ZNF333: variants seen among roughly 807,000 people sequenced by gnomAD.
The protein encoded by ZNF333 is zinc finger protein 333.
Under a neutral mutation model 76.1 loss-of-function variants are expected in ZNF333, and 61 were observed. That is an observed-to-expected ratio of 0.80 (90% CI 0.65 to 0.99). The LOEUF is 0.99. ZNF333 is among the 50% of genes least tolerant of loss of function. The pLI, the probability that ZNF333 is intolerant of heterozygous loss-of-function variation, is 0.00. For missense variants in ZNF333, 717 were observed against 822.4 expected, an observed-to-expected ratio of 0.87 and a Z score of 1.57; for synonymous variants, 284 against 305.0, an observed-to-expected ratio of 0.93 and a Z score of 0.72.
intron 5 of ZNF333, among the ~76,000 whole-genome samples, chr19:14,702,691 C>T (rs541908592): frequency 9.8e-5 from 15 of 152,308 alleles, no homozygotes; most frequent in African/African-American, 3.6e-4. Flanking sequence ...AGGGCCTGCA[C>T]TAGCAGTGCC....
Position 14,718,953 on chromosome 19 carries a change from C to G in ZNF333, c.1626C>G (p.Val542=). 1 of 1,614,060 alleles carries G rather than the reference C, an allele frequency of 6.2e-7. No individual in the cohort carries two copies. The highest frequency in any genetic ancestry group is 1.1e-5 in the South Asian group (1 of 91,078). Residue 542 remains valine (V), a synonymous_variant, in exon 12 of 12, where the codon GTC becomes GTG. Coordinates refer to ENST00000292530, the MANE Select transcript of ZNF333 (RefSeq NM_032433.4). ...ATGAGTGCGCGACTTGCGGTCAGGT[C>G]TTGAGTCGTCTTTCAACCCTGAAGA... The part of the protein sequence containing the change: ...KLYECATCGQ[V]LSRLSTLKSH...
intron 11 of ZNF333, among the ~76,000 whole-genome samples, chr19:14,728,144 C>T (rs911116411): frequency 2.0e-5 from 3 of 152,128 alleles, no homozygotes; most frequent in African/African-American, 7.2e-5. Context: ...GCCTGGGAAG[C>T]GGAGCTTGCA....
At chr19:14,694,496 A>G (rs1360373110) in intron 2 of ZNF333, among the ~76,000 whole-genome samples, 1 of 152,058 alleles carries the variant, frequency 6.6e-6, no homozygotes, top group Non-Finnish European at 1.5e-5. Flanking sequence ...AAAAAGAAAA[A>G]GACTCTCAGA....
upstream of ZNF333, chr19:14,689,884 G>C (rs1972611063): frequency 6.6e-6 from 1 of 151,516 alleles, no homozygotes; most frequent in Admixed American, 6.6e-5. Flanking sequence ...TCCATGCTCT[G>C]TGGGACCCCA....
rs2042504377 is a variant in ZNF333 at position 14,718,526 on chromosome 19, G to A, written c.1199G>A (p.Gly400Glu). The change falls in exon 12 of 12, where the codon GGG becomes GAG. Residue 400 changes from glycine (G) to glutamate (E), a missense_variant. Transcript: ENST00000292530. The part of the protein sequence containing the change: ...AEKCFDCQEC[G>E]QAFKYSSNLR... Reference sequence around the variant, plus strand: ...AAGTGCTTTGACTGTCAAGAATGTGGGCAAGCCTTCAAATATTCCTCGAAT... The same window carrying A: ...AAGTGCTTTGACTGTCAAGAATGTGAGCAAGCCTTCAAATATTCCTCGAAT... 1.2e-6 allele frequency: 2 copies of A among 1,614,052 alleles called. No individual in the cohort carries two copies. The highest frequency in any genetic ancestry group is 2.7e-5 in the African/African-American group (2 of 74,926).
intron 7 of ZNF333, among the ~76,000 whole-genome samples, chr19:14,707,625 C>T (rs2042152244): frequency 6.9e-6 from 1 of 144,960 alleles, no homozygotes; most frequent in Non-Finnish European, 1.5e-5. Context: ...TATCCCGGCT[C>T]ACTGCAAGCT....
chr19:14,727,179 C>T (rs1473713899), intron 11 of ZNF333, among the ~76,000 whole-genome samples: 3 of 152,012 alleles, frequency 2.0e-5, no homozygotes, highest in Non-Finnish European at 4.4e-5. Flanking sequence ...AGGTGTCCGC[C>T]ACCACGCCTG....
At chr19:14,708,440 C>T (rs927199188) in intron 7 of ZNF333, 2 of 400,896 alleles carry the variant, frequency 5.0e-6, no homozygotes, top group African/African-American at 2.1e-5. Flanking sequence ...GGTCAGAGTT[C>T]GAAATGAATA....
At chr19:14,711,584 T>C (rs1331594881) in intron 7 of ZNF333, among the ~76,000 whole-genome samples, 4 of 152,140 alleles carry the variant, frequency 2.6e-5, no homozygotes, top group African/African-American at 9.7e-5. Context: ...GGAGAATCAC[T>C]TGAGCCCAGG....
In ZNF333 at chr19:14,718,899, C is replaced by T; in HGVS notation, c.1572C>T (p.His524=). The change falls in exon 12 of 12, where the codon CAC becomes CAT. Residue 524 remains histidine, a synonymous_variant. Transcript: ENST00000292530. ...GGACGAGCACTCATCTGAACGTGCA[C>T]AAGAGGATACACACAGGGGAGAAAC... ...PFRTSTHLNV[H]KRIHTGEKLY... 2 of 1,614,146 alleles carry T rather than the reference C, an allele frequency of 1.2e-6. No homozygotes were observed. Among genetic ancestry groups the T allele is most frequent in the African/African-American group, 2.7e-5 (2 of 75,048 alleles).
intron 7 of ZNF333, 56 bp from the exon 8 acceptor site, chr19:14,715,326 T>A: frequency 6.5e-7 from 1 of 1,540,444 alleles, no homozygotes; most frequent in Non-Finnish European, 8.9e-7. Context: ...TTGGGGCCTG[T>A]GAGTGTGCCC....
chr19:14,690,912 G>T (rs1225489053), intron 1 of ZNF333, among the ~76,000 whole-genome samples: 1 of 152,140 alleles, frequency 6.6e-6, no homozygotes, highest in Non-Finnish European at 1.5e-5. Flanking sequence ...GGCCAACATG[G>T]TGAAACCCTG....
intron 7 of ZNF333, chr19:14,707,982 A>T (rs1238901993): frequency 2.5e-6 from 1 of 400,784 alleles, no homozygotes; most frequent in East Asian, 3.6e-5. Context: ...CTTCTGGGCC[A>T]GGCTCTATTT....
intron 9 of ZNF333, 64 bp from the exon 10 acceptor site, chr19:14,716,930 A>T: frequency 6.9e-7 from 1 of 1,445,644 alleles, no homozygotes; most frequent in South Asian, 1.2e-5. Context: ...ACTTGAGAAT[A>T]TCGGCCCTGG....
At chr19:14,691,383 C>T (rs1428703842) in intron 1 of ZNF333, among the ~76,000 whole-genome samples, 1 of 152,108 alleles carries the variant, frequency 6.6e-6, no homozygotes, top group Non-Finnish European at 1.5e-5. Context: ...TTTGTTAATA[C>T]TGGAAATTCA....
exon 12 of ZNF333, chr19:14,731,363 T>TA: frequency 1.6e-6 from 1 of 630,908 alleles, no homozygotes; most frequent in Admixed American, 2.9e-5. Context: ...CCGGGCTCCT[T>TA]AACTTCCGGC....
At chr19:14,713,020 A>G (rs151050429) in intron 7 of ZNF333, among the ~76,000 whole-genome samples, 19 of 152,090 alleles carry the variant, frequency 1.2e-4, no homozygotes, top group African/African-American at 4.6e-4. Context: ...TAAGTGCAAA[A>G]TCTCATCTAA....
rs530583634 is a variant in ZNF333, at chr19:14,718,547, C to T, written c.1220C>T (p.Ser407Leu). ...QECGQAFKYSSNLRRHMRTHT... is the reference protein window; with the variant it reads ...QECGQAFKYSLNLRRHMRTHT... ...TGTGGGCAAGCCTTCAAATATTCCT[C>T]GAATCTCCGGCGACACATGAGAACC... Residue 407 changes from serine (S) to leucine (L), a missense_variant, in exon 12 of 12, where the codon TCG becomes TTG. Coordinates refer to ENST00000292530, the MANE Select transcript of ZNF333 (RefSeq NM_032433.4). 21 of 1,614,164 alleles carry T rather than the reference C, an allele frequency of 1.3e-5. No homozygotes were observed. The highest frequency in any genetic ancestry group is 8.9e-5 in the East Asian group (4 of 44,890).
At chr19:14,725,508 G>C (rs913247937), downstream of ZNF333, among the ~76,000 whole-genome samples, 3 of 152,130 alleles carry the variant, frequency 2.0e-5, no homozygotes, top group African/African-American at 7.2e-5. Context: ...AGTCTCATCT[G>C]AAGATGAATT....
Sources: allele counts gnomAD v4.1 joint callset (sites outside exome capture counted in the v4.1 genomes callset), GRCh38; gene constraint gnomAD v4.1.1; transcripts MANE v1.5; gene names NCBI Gene and HGNC (gene_info 2026-07-23, HGNC 2026-07-21).